The following SASS6 variants were observed in gnomAD, a reference collection of about 807,000 sequenced individuals.
SASS6 encodes spindle assembly abnormal protein 6 homolog.
Under a neutral mutation model 94.9 loss-of-function variants are expected in SASS6, and 59 were observed. That is an observed-to-expected ratio of 0.62 (90% CI 0.50 to 0.77). The LOEUF is 0.77. SASS6 is among the 30% of genes least tolerant of loss of function. SASS6 has a pLI of 0.00. For missense variants in SASS6, 698 were observed against 734.1 expected (o/e 0.95, Z 0.57); for synonymous variants, 264 against 270.0 (o/e 0.98, Z 0.22).
intron 8 of SASS6, among the ~76,000 whole-genome samples, chr1:100,109,394 T>C (rs1273876554): frequency 6.6e-6 from 1 of 152,050 alleles, no homozygotes; most frequent in African/African-American, 2.4e-5. Context: ...ATAATTCATA[T>C]GACAATAATA....
At chr1:100,109,624 CTCTGTTG>C (rs1226564670) in intron 8 of SASS6, among the ~76,000 whole-genome samples, 1 of 151,904 alleles carries the variant, frequency 6.6e-6, no homozygotes, top group African/African-American at 2.4e-5. Context: ...ATAAAAATTT[CTCTGTTG>C]CCTGAAAGAA....
chr1:100,101,643 A>G (rs370392038), intron 14 of SASS6, among the ~76,000 whole-genome samples: 2 of 152,198 alleles, frequency 1.3e-5, no homozygotes, highest in Admixed American at 6.5e-5. Flanking sequence ...CCCAAGATAC[A>G]ACGACACTTG....
chr1:100,127,494 A>G (rs1654705631), intron 1 of SASS6, among the ~76,000 whole-genome samples: 2 of 152,160 alleles, frequency 1.3e-5, no homozygotes, highest in African/African-American at 4.8e-5. Context: ...ATATGATTGG[A>G]TGCTAAATCT....
At chr1:100,128,068 G>A (rs527416254) in intron 1 of SASS6, among the ~76,000 whole-genome samples, 3 of 151,234 alleles carry the variant, frequency 2.0e-5, no homozygotes, top group Middle Eastern at 3.4e-3. Context: ...ACAGAGTTTC[G>A]CTCTGTCACC....
chr1:100,104,783 T>TAAAAA lies in SASS6; in HGVS notation c.1545+979_1545+983dup, dbSNP rs546359132. On this transcript the variant is annotated intron_variant, in intron 13 of 16. Transcript: ENST00000287482. ...GCCCAGCCTCCCTTTTTTCTCAGGT[T>TAAAAA]AAAAAAAAAAAAAAAAAAGCAGGGC... 2.7e-3 allele frequency among the ~76,000 whole-genome samples: 340 copies of TAAAAA among 127,294 alleles called. 2 individuals carry two copies. Among genetic ancestry groups the TAAAAA allele is most frequent in the African/African-American group, 9.3e-3 (331 of 35,756 alleles). 83.5% of individuals were successfully genotyped at this position (127,294 alleles called of 152,430 possible).
rs1303753468 is a variant in SASS6, at chr1:100,084,666, T to C, written c.*662A>G. ...TAGGAAGCACTGAAGTTTTAAAAAC[T>C]TGTCAGCTCAAATGACAAAAGCACT... On this transcript the variant is annotated 3_prime_UTR_variant, in exon 17 of 17. Coordinates refer to ENST00000287482, the MANE Select transcript of SASS6 (RefSeq NM_194292.3). 6.6e-6 allele frequency: 1 copy of C among 152,096 alleles called. No homozygotes were observed. The highest frequency in any genetic ancestry group is 1.5e-5 in the Non-Finnish European group (1 of 67,976). 9.4% of individuals were successfully genotyped at this position (152,096 alleles called of 1,614,324 possible).
At chr1:100,129,692 G>T (rs578256027) in intron 1 of SASS6, among the ~76,000 whole-genome samples, 1 of 152,298 alleles carries the variant, frequency 6.6e-6, no homozygotes, top group African/African-American at 2.4e-5. Flanking sequence ...GAGGCACAAG[G>T]AACAGCAGGG....
At chr1:100,085,694 A>G in intron 15 of SASS6, 64 bp from the exon 16 acceptor site, 1 of 870,414 alleles carries the variant, frequency 1.1e-6, no homozygotes, top group East Asian at 2.5e-5. Flanking sequence ...GGTTTATCTC[A>G]TATGTATACA....
intron 8 of SASS6, among the ~76,000 whole-genome samples, chr1:100,109,876 T>A (rs1653171591): frequency 6.6e-6 from 1 of 151,980 alleles, no homozygotes; most frequent in African/African-American, 2.4e-5. Flanking sequence ...TCAGTAAGCA[T>A]TAACTATTAT....
intron 1 of SASS6, among the ~76,000 whole-genome samples, chr1:100,131,758 C>A (rs1400243239): frequency 2.0e-5 from 3 of 152,182 alleles, no homozygotes; most frequent in Non-Finnish European, 4.4e-5. Flanking sequence ...ACATTACTGG[C>A]AACTCAATAA....
At chr1:100,132,617 T>C (rs1655161332) in intron 1 of SASS6, 133 bp downstream of exon 1, 1 of 785,528 alleles carries the variant, frequency 1.3e-6, no homozygotes, top group Non-Finnish European at 2.2e-6. Flanking sequence ...CCCTCTGGGT[T>C]CCCTATCCGC....
At chr1:100,121,726 TA>T (rs1419929536) in intron 4 of SASS6, among the ~76,000 whole-genome samples, 177 bp from the exon 5 acceptor site, 2 of 152,012 alleles carry the variant, frequency 1.3e-5, no homozygotes, top group African/African-American at 4.8e-5. Flanking sequence ...AGTGACTACA[TA>T]AAAGTCCATG....
intron 14 of SASS6, among the ~76,000 whole-genome samples, chr1:100,091,997 G>C (rs2101641695): frequency 1.0e-5 from 1 of 98,316 alleles, no homozygotes; most frequent in South Asian, 3.5e-4. Context: ...TACAAAGCGA[G>C]ACCCTGTCTC....
chr1:100,101,309 G>C (rs946694818), intron 14 of SASS6, among the ~76,000 whole-genome samples: 1 of 150,486 alleles, frequency 6.6e-6, no homozygotes, highest in African/African-American at 2.4e-5. Context: ...TTTGAGATGA[G>C]AGCGCAAATT....
At chr1:100,122,608 AGTG>A (rs1654287927) in intron 3 of SASS6, 124 bp from the exon 4 acceptor site, 3 of 408,590 alleles carry the variant, frequency 7.3e-6, no homozygotes, top group Non-Finnish European at 1.2e-5. Context: ...GCTGGAGTGC[AGTG>A]GTGCAATCTT....
At chr1:100,127,923 T>C (rs950837779) in intron 1 of SASS6, among the ~76,000 whole-genome samples, 5 of 152,184 alleles carry the variant, frequency 3.3e-5, no homozygotes, top group African/African-American at 1.2e-4. Context: ...CATCATTATG[T>C]TTGGTTTTCA....
intron 7 of SASS6, among the ~76,000 whole-genome samples, chr1:100,115,029 TTTAG>T (rs1653680649): frequency 1.3e-5 from 2 of 152,276 alleles, no homozygotes; most frequent in South Asian, 2.1e-4. Flanking sequence ...AGTGAGATAT[TTTAG>T]TTATTTACCA....
At chr1:100,114,960 G>T (rs549664022) in intron 7 of SASS6, among the ~76,000 whole-genome samples, 1 of 152,070 alleles carries the variant, frequency 6.6e-6, no homozygotes, top group East Asian at 1.9e-4. Flanking sequence ...AAATTCTCAG[G>T]TAGCAAGGAA....
Position 100,085,398 on chromosome 1 carries a change from G to A in SASS6, c.1904C>T (p.Thr635Ile), listed in dbSNP as rs774592025. The change falls in exon 17 of 17, where the codon ACA (threonine) becomes ATA (isoleucine). Residue 635 changes from threonine to isoleucine, a missense_variant. Physicochemically the swap from Thr to Ile is moderately conservative, Grantham distance 89. Transcript: ENST00000287482. Reference sequence around the variant, plus strand: ...GGGGAGCGCTGTGGGTTTGGAAGATGTATGTAATGCTCCTAAAGTGCCATC... The same window carrying A: ...GGGGAGCGCTGTGGGTTTGGAAGATATATGTAATGCTCCTAAAGTGCCATC... ...QRDGTLGALH[T>I]SSKPTALPSA... 6.2e-7 allele frequency: 1 copy of A among 1,613,470 alleles called. No individual in the cohort carries two copies. Among genetic ancestry groups the A allele is most frequent in the South Asian group, 1.1e-5 (1 of 91,074 alleles).
Sources: gnomAD v4.1 joint callset for allele counts (sites outside exome capture counted in the v4.1 genomes callset) on GRCh38, gnomAD v4.1.1 for gene constraint, MANE v1.5 for transcripts, NCBI Gene and HGNC (gene_info 2026-07-23, HGNC 2026-07-21) for gene names.